Variants in PRTG observed in about 807,000 individuals in gnomAD.
PRTG encodes immunoglobulin superfamily, DCC subclass, member 5.
In PRTG, 67 loss-of-function variants were observed where a neutral mutation model predicts 122.5. That is an observed-to-expected ratio of 0.55 (90% CI 0.45 to 0.67). The LOEUF is 0.67. Ranked by LOEUF, PRTG falls within the 30% of genes least tolerant of loss-of-function variation. PRTG has a pLI of 0.00. For synonymous variants in PRTG, 554 were observed against 501.1 expected (o/e 1.11, Z -1.41); for missense variants, 1,435 against 1,415.4 (o/e 1.01, Z -0.22).
At chr15:55,665,053 T>A (rs1338050458) in intron 11 of PRTG, among the ~76,000 whole-genome samples, 1 of 150,984 alleles carries the variant, frequency 6.6e-6, no homozygotes, top group Non-Finnish European at 1.5e-5. Context: ...GGTCAGGAGA[T>A]CGAGACCATC....
At chr15:55,706,140 G>A (rs768973500) in intron 2 of PRTG, among the ~76,000 whole-genome samples, 29 of 151,266 alleles carry the variant, frequency 1.9e-4, no homozygotes, top group Non-Finnish European at 3.8e-4. Flanking sequence ...GATTACAGGC[G>A]TGAGCCACTG....
intron 2 of PRTG, among the ~76,000 whole-genome samples, chr15:55,692,930 T>G (rs1340840476): frequency 7.0e-6 from 1 of 143,690 alleles, no homozygotes; most frequent in Non-Finnish European, 1.5e-5. Context: ...AACCTCTGTC[T>G]CCCGGGTTCA....
chr15:55,705,545 C>T (rs900711849), intron 2 of PRTG, among the ~76,000 whole-genome samples: 1 of 152,144 alleles, frequency 6.6e-6, no homozygotes, highest in Admixed American at 6.5e-5. Flanking sequence ...CTTCCACTTC[C>T]CAGGTTCAAG....
intron 11 of PRTG, among the ~76,000 whole-genome samples, chr15:55,654,001 G>A (rs1035854216): frequency 6.6e-6 from 1 of 152,188 alleles, no homozygotes; most frequent in Non-Finnish European, 1.5e-5. Flanking sequence ...AATATTTAGA[G>A]TTGAAGATTT....
chr15:55,682,500 G>C lies in PRTG; in HGVS notation c.543-3C>G, dbSNP rs1263555070. 3 of 1,443,132 alleles carry C rather than the reference G, an allele frequency of 2.1e-6. No individual in the cohort carries two copies. The highest frequency in any genetic ancestry group is 2.8e-6 in the Non-Finnish European group (3 of 1,087,946). 89.4% of individuals were successfully genotyped at this position (1,443,132 alleles called of 1,614,324 possible). A position where few individuals can be genotyped will look rare whatever the true frequency, so the allele number is the denominator to read the frequency against. On this transcript the variant is annotated splice_polypyrimidine_tract_variant and splice_region_variant and intron_variant, in intron 3 of 19. Coordinates refer to ENST00000389286, the MANE Select transcript of PRTG (RefSeq NM_173814.6). ...CTCCTGTTGGTAGGGCAGTTATCCT[G>C]TTATGAGAGAAAGATAATTAAACTT...
Position 55,618,036 on chromosome 15 carries a change from C to T in PRTG, c.*1976G>A, listed in dbSNP as rs895516665. ...AACTTTAAAAGGAGGTAGTATAAAA[C>T]AGGAGCTATAAAGGCAGGAGCAGCA... On this transcript the variant is annotated 3_prime_UTR_variant, in exon 20 of 20. Transcript: ENST00000389286. 7 of 152,102 alleles carry T rather than the reference C, an allele frequency of 4.6e-5. No homozygotes were observed. Among genetic ancestry groups the T allele is most frequent in the African/African-American group, 1.4e-4 (6 of 41,406 alleles). The allele number at this position is 152,102 out of a possible 1,614,324, so 9.4% of individuals were successfully genotyped here. A position where few individuals can be genotyped will look rare whatever the true frequency, so the allele number is the denominator to read the frequency against.
Position 55,740,430 on chromosome 15 carries a change from T to C in PRTG, c.349A>G (p.Asn117Asp). Residue 117 changes from asparagine to aspartate, a missense_variant, in exon 2 of 20, where the codon AAC (asparagine) becomes GAC (aspartate). Coordinates refer to ENST00000389286, the MANE Select transcript of PRTG (RefSeq NM_173814.6). ...TGACTAAGAATGGCTCCATATTTGT[T>C]CATTGCCAAGCACTGATAAAATCCT... Reference protein sequence around the residue: ...DEGFYQCLAMNKYGAILSQKA... With the variant: ...DEGFYQCLAMDKYGAILSQKA... 1 of 1,613,794 alleles carries C rather than the reference T, an allele frequency of 6.2e-7. No individual in the cohort carries two copies. The highest frequency in any genetic ancestry group is 1.1e-5 in the South Asian group (1 of 90,908).
intron 2 of PRTG, among the ~76,000 whole-genome samples, chr15:55,720,246 G>GGGAGGCTGGGGCA (rs2030762967): frequency 6.6e-6 from 1 of 151,682 alleles, no homozygotes; most frequent in African/African-American, 2.4e-5. Context: ...CGGGCTACTT[G>GGGAGGCTGGGGCA]GGAGGCTGGG....
chr15:55,629,067 A>T (rs1265470192), intron 15 of PRTG, 63 bp from the exon 16 acceptor site: 1 of 1,091,238 alleles, frequency 9.2e-7, no homozygotes, highest in African/African-American at 1.6e-5. Context: ...CTCATATTAT[A>T]CAAACACGTT....
intron 6 of PRTG, chr15:55,679,766 T>A (rs2059526685): frequency 4.7e-6 from 2 of 429,322 alleles, no homozygotes; most frequent in Non-Finnish European, 8.2e-6. Flanking sequence ...ATTAAATTTT[T>A]AAATTGGCAA....
chr15:55,689,990 C>T (rs2059591795), intron 2 of PRTG, among the ~76,000 whole-genome samples: 1 of 151,156 alleles, frequency 6.6e-6, no homozygotes, highest in Non-Finnish European at 1.5e-5. Flanking sequence ...TTTATGGCAA[C>T]ATGCGATAGT....
At chr15:55,632,073 A>C (rs547019804) in intron 15 of PRTG, among the ~76,000 whole-genome samples, 6 of 152,232 alleles carry the variant, frequency 3.9e-5, no homozygotes, top group African/African-American at 1.4e-4. Flanking sequence ...CACAGCCTTA[A>C]ACATCACCTA....
At chr15:55,698,621 G>A (rs958131692) in intron 2 of PRTG, among the ~76,000 whole-genome samples, 2 of 152,166 alleles carry the variant, frequency 1.3e-5, no homozygotes, top group African/African-American at 4.8e-5. Flanking sequence ...GGTAGGGCAG[G>A]ATGGAGAGGA....
intron 2 of PRTG, among the ~76,000 whole-genome samples, chr15:55,700,584 C>G (rs1412551607): frequency 6.6e-6 from 1 of 151,922 alleles, no homozygotes; most frequent in Non-Finnish European, 1.5e-5. Context: ...GAGTTGGAGA[C>G]CAGCCTGGCC....
At chr15:55,699,588 T>C (rs1407087941) in intron 2 of PRTG, among the ~76,000 whole-genome samples, 1 of 152,234 alleles carries the variant, frequency 6.6e-6, no homozygotes, top group Non-Finnish European at 1.5e-5. Context: ...AGCATCATTA[T>C]TTTGTACATT....
In PRTG at chr15:55,638,509, T is replaced by A. The variant is rs923750531; in HGVS notation, c.2452+40A>T. The A allele has an allele frequency of 1.6e-5, 24 of 1,506,116 alleles. No individual in the cohort carries two copies. In the Admixed American group the frequency reaches 3.6e-4, roughly 23 times the overall value. The allele number at this position is 1,506,116 out of a possible 1,614,324, so 93.3% of individuals were successfully genotyped here. A position where few individuals can be genotyped will look rare whatever the true frequency, so the allele number is the denominator to read the frequency against. On this transcript the variant is annotated intron_variant, in intron 14 of 19. Transcript: ENST00000389286. ...ATATTTTTAAAACATTTCCTTAATT[T>A]TTTTTAAAGATAAAATCTATAGGGA...
chr15:55,642,882 G>A (rs977234425), intron 11 of PRTG, among the ~76,000 whole-genome samples: 1 of 152,032 alleles, frequency 6.6e-6, no homozygotes. Flanking sequence ...ACTAGCCTGG[G>A]CAATATAGCA....
chr15:55,630,787 GT>G (rs1355751274), intron 15 of PRTG, among the ~76,000 whole-genome samples: 2 of 152,120 alleles, frequency 1.3e-5, no homozygotes, highest in African/African-American at 2.4e-5. Flanking sequence ...CCAGAAAGTT[GT>G]TTCAGCACTA....
At chr15:55,692,969 T>C (rs2059612685) in intron 2 of PRTG, among the ~76,000 whole-genome samples, 1 of 150,758 alleles carries the variant, frequency 6.6e-6, no homozygotes, top group South Asian at 2.1e-4. Context: ...GCCTCCCCAG[T>C]AGCTAGAACT....
Sources: allele counts gnomAD v4.1 joint callset (sites outside exome capture counted in the v4.1 genomes callset), GRCh38; gene constraint gnomAD v4.1.1; transcripts MANE v1.5; gene names NCBI Gene and HGNC (gene_info 2026-07-23, HGNC 2026-07-21).